SHANK2: variants seen among roughly 807,000 people sequenced by gnomAD.
SHANK2 encodes the protein SH3 and multiple ankyrin repeat domains 2, also known as SH3 and multiple ankyrin repeat domains protein 2.
A neutral mutation model predicts 133.7 loss-of-function variants in SHANK2; 43 were observed. That is an observed-to-expected ratio of 0.32 (90% CI 0.25 to 0.41). The LOEUF is 0.41. Among genes scored for constraint, SHANK2 ranks in the 10% least tolerant of loss-of-function variants. SHANK2 has a pLI of 1.00. For synonymous variants in SHANK2, 1,017 were observed against 952.8 expected (o/e 1.07, Z -1.24); for missense variants, 1,994 against 2,235.8 (o/e 0.89, Z 2.18).
At chr11:71,086,114 TATATA>T (rs1405133543) in intron 8 of SHANK2, among the ~76,000 whole-genome samples, 10,784 of 46,730 alleles carry the variant, frequency 0.23, 1,852 homozygotes, top group Non-Finnish European at 0.3. Flanking sequence ...TATATTATGT[TATATA>T]ATATATTAAA....
intron 17 of SHANK2, among the ~76,000 whole-genome samples, chr11:70,617,278 TG>T (rs1166330530): frequency 2.6e-5 from 4 of 151,430 alleles, no homozygotes; most frequent in African/African-American, 9.7e-5. Context: ...TCTATGATGG[TG>T]TATGTTTGTC....
intron 14 of SHANK2, among the ~76,000 whole-genome samples, chr11:70,772,534 T>G (rs1449095309): frequency 6.6e-6 from 1 of 152,140 alleles, no homozygotes; most frequent in Admixed American, 6.5e-5. Flanking sequence ...TATATCATGT[T>G]GAAACATTGG....
At position 71,147,300 on chromosome 11, in the gene SHANK2, C is replaced by T; in HGVS notation, c.27G>A (p.Glu9=). The part of the protein sequence containing the change: MPRSPTSS[E]DEMAQSFSDY... ...CGGAGAAGCTCTGGGCCATCTCGTC[C>T]TCGCTGGATGTTGGGCTGCGCGGCA... Residue 9 remains glutamate, a synonymous_variant, in exon 3 of 26, where the codon GAG becomes GAA. Coordinates refer to ENST00000601538, the MANE Select transcript of SHANK2 (RefSeq NM_012309.5). 2 of 1,550,994 alleles carry T rather than the reference C, an allele frequency of 1.3e-6. No homozygotes were observed. Among genetic ancestry groups the T allele is most frequent in the South Asian group, 2.4e-5 (2 of 84,060 alleles).
intron 17 of SHANK2, among the ~76,000 whole-genome samples, chr11:70,642,639 T>C (rs2061200069): frequency 6.6e-6 from 1 of 152,190 alleles, no homozygotes; most frequent in South Asian, 2.1e-4. Context: ...ATCCTTCCCC[T>C]GACACCTCCC....
intron 17 of SHANK2, among the ~76,000 whole-genome samples, chr11:70,583,612 G>A (rs925704365): frequency 3.3e-5 from 5 of 152,180 alleles, no homozygotes; most frequent in South Asian, 2.1e-4. Flanking sequence ...CATGCACTCC[G>A]GGTCATCGAA....
rs1208572614 is a variant in SHANK2 at position 70,741,344 on chromosome 11, C to T, written c.1778-42581G>A. Among the ~76,000 whole-genome samples, 33 of 48,434 alleles carry T rather than the reference C, an allele frequency of 6.8e-4. No homozygotes were observed. The East Asian group carries it at 0.013, about 19-fold the overall frequency. 31.8% of individuals were successfully genotyped at this position (48,434 alleles called of 152,430 possible). The stretch of plus-strand genomic sequence containing the variant: ...GCATCCAACTACCCATCTATCTATC[C>T]ATCCATCCATCCATCCATCCATCCA... On this transcript the variant is annotated intron_variant, in intron 14 of 25. Coordinates refer to ENST00000601538, the MANE Select transcript of SHANK2 (RefSeq NM_012309.5).
chr11:70,808,777 G>T (rs575589273), intron 12 of SHANK2, among the ~76,000 whole-genome samples: 56 of 152,128 alleles, frequency 3.7e-4, no homozygotes, highest in Non-Finnish European at 6.0e-4. Context: ...CTCAGGTGGA[G>T]ACAGAAATCC....
rs1946242856 is a variant in SHANK2, at chr11:70,729,611, GC to G, written c.1778-30849del. Among the ~76,000 whole-genome samples, 4 of 149,896 alleles carry G rather than the reference GC, an allele frequency of 2.7e-5. No homozygotes were observed. In the Admixed American group the frequency reaches 2.7e-4, roughly 10 times the overall value. ...GCGATCTCGGCTCACTGCAAGCTCC[GC>G]CTCCCAGGTTCACGCCATTCTCCTG... On this transcript the variant is annotated intron_variant, in intron 14 of 25. Coordinates refer to ENST00000601538, the MANE Select transcript of SHANK2 (RefSeq NM_012309.5).
At position 70,470,031 on chromosome 11, in the gene SHANK2, T is replaced by A. The variant is rs2058578883; in HGVS notation, c.*2838A>T. 1 of 152,622 alleles carries A rather than the reference T, an allele frequency of 6.6e-6. No individual in the cohort carries two copies. The highest frequency in any genetic ancestry group is 2.4e-5 in the African/African-American group (1 of 41,446). 9.5% of individuals were successfully genotyped at this position (152,622 alleles called of 1,614,324 possible). On this transcript the variant is annotated 3_prime_UTR_variant, in exon 26 of 26. Transcript: ENST00000601538. ...AAAACCTGGAATAATATCAACATGA[T>A]CTTTAGATGAGCAGTTTAACATTTG...
intron 3 of SHANK2, among the ~76,000 whole-genome samples, chr11:71,136,462 G>A (rs1258463703): frequency 6.6e-6 from 1 of 152,204 alleles, no homozygotes; most frequent in African/African-American, 2.4e-5. Context: ...TGCAGAGCGT[G>A]GAATGATGGA....
intron 2 of SHANK2, among the ~76,000 whole-genome samples, chr11:71,161,623 C>T (rs782351934): frequency 1.2e-4 from 19 of 152,248 alleles, no homozygotes; most frequent in Non-Finnish European, 2.2e-4. Context: ...AATTGCCAAT[C>T]AGAAAATCTC....
At chr11:71,080,085 T>C (rs1046512891) in intron 8 of SHANK2, among the ~76,000 whole-genome samples, 14 of 151,604 alleles carry the variant, frequency 9.2e-5, no homozygotes, top group Non-Finnish European at 2.1e-4. Flanking sequence ...TTGAAAAGGG[T>C]GTCTGGTCTC....
intron 17 of SHANK2, among the ~76,000 whole-genome samples, chr11:70,651,791 G>C (rs577385428): frequency 3.9e-5 from 6 of 152,354 alleles, no homozygotes; most frequent in African/African-American, 1.4e-4. Flanking sequence ...GAAGAATTCA[G>C]CAGTCACCCT....
intron 17 of SHANK2, among the ~76,000 whole-genome samples, chr11:70,556,310 A>G (rs76509619): frequency 1.3e-5 from 2 of 152,248 alleles, no homozygotes; most frequent in Non-Finnish European, 2.9e-5. Context: ...TCCAGGCTAC[A>G]TCCAGTTTTT....
At chr11:71,210,016 C>T (rs1341828318) in intron 2 of SHANK2, among the ~76,000 whole-genome samples, 1 of 151,550 alleles carries the variant, frequency 6.6e-6, no homozygotes, top group Admixed American at 6.6e-5. Context: ...CTTCACAAGA[C>T]TCATCAGATG....
rs552805487 is a variant in SHANK2, at chr11:71,183,153, C to T, written c.-12-35815G>A. 4.1e-4 allele frequency among the ~76,000 whole-genome samples: 62 copies of T among 152,206 alleles called. No homozygotes were observed. In the South Asian group the frequency reaches 0.012, roughly 31 times the overall value. ...CCCACAGACAAGGCTTTCTGGAAGG[C>T]GAAATAAAGAGGCTCTGCAGGCTGG... On this transcript the variant is annotated intron_variant, in intron 2 of 25. Coordinates refer to ENST00000601538, the MANE Select transcript of SHANK2 (RefSeq NM_012309.5).
Position 70,485,832 on chromosome 11 carries a change from G to A in SHANK2, c.4461C>T (p.Ala1487=), listed in dbSNP as rs143595073. The A allele has an allele frequency of 0.018, 28,562 of 1,613,958 alleles. 482 individuals carry two copies. Among genetic ancestry groups the A allele is most frequent in the South Asian group, 0.07 (6,382 of 91,068 alleles). Residue 1487 remains alanine, a synonymous_variant, in exon 25 of 26, where the codon GCC becomes GCT. Transcript: ENST00000601538. This position sits in a 1 kb window ranked among gnomAD's most constrained non-coding sequence, Gnocchi z 5.8. ...LPPPESFDAV[A]DSGIEEVDSR... ...TGTCCACCTCCTCGATCCCAGAGTCGGCGACGGCGTCAAAGCTTTCAGGGG... is the reference window on the plus strand; with the variant it reads ...TGTCCACCTCCTCGATCCCAGAGTCAGCGACGGCGTCAAAGCTTTCAGGGG...
chr11:70,804,300 G>A lies in SHANK2; in HGVS notation c.1663+2702C>T, dbSNP rs1948115417. Among the ~76,000 whole-genome samples the A allele has an allele frequency of 6.6e-6, 1 of 152,180 alleles. No homozygotes were observed. The highest frequency in any genetic ancestry group is 2.4e-5 in the African/African-American group (1 of 41,460). ...GCCATGCAGGCAGCAAGGATGTGCG[G>A]GCCACCCCACGATGGGGAGGAGGCA... On this transcript the variant is annotated intron_variant, in intron 13 of 25. Transcript: ENST00000601538. This position sits in a 1 kb window ranked among gnomAD's most constrained non-coding sequence, Gnocchi z 4.1.
chr11:71,084,953 G>A (rs1951358674), intron 8 of SHANK2, among the ~76,000 whole-genome samples: 2 of 152,278 alleles, frequency 1.3e-5, no homozygotes, highest in Non-Finnish European at 1.5e-5. Context: ...ATTGCTACGG[G>A]TCCTATACAC....
Sources: gnomAD v4.1 joint callset for allele counts (sites outside exome capture counted in the v4.1 genomes callset) on GRCh38, gnomAD v4.1.1 for gene constraint, Gnocchi (gnomAD v3.1) non-coding constraint, MANE v1.5 for transcripts, NCBI Gene and HGNC (gene_info 2026-07-23, HGNC 2026-07-21) for gene names.